SGCZ: variants seen among roughly 807,000 people sequenced by gnomAD.
SGCZ encodes sarcoglycan zeta, also known as zeta-sarcoglycan.
Under a neutral mutation model 41.3 loss-of-function variants are expected in SGCZ, and 40 were observed. The ratio of observed to expected loss-of-function variants is 0.97; its 90% CI spans 0.75 to 1.26. SGCZ has a LOEUF of 1.26. SGCZ is among the 50% of genes most tolerant of loss of function. SGCZ has a pLI of 0.00. For synonymous variants in SGCZ, 206 were observed against 137.5 expected, an observed-to-expected ratio of 1.50 and a Z score of -3.49; for missense variants, 552 against 369.8, an observed-to-expected ratio of 1.49 and a Z score of -4.04.
intron 6 of SGCZ, among the ~76,000 whole-genome samples, chr8:14,103,912 T>TA (rs745746364): frequency 4.1e-4 from 63 of 152,318 alleles, no homozygotes; most frequent in Middle Eastern, 3.4e-3. Context: ...ATTTGAATGT[T>TA]AAAATGTATT....
At chr8:14,383,002 A>G (rs1322933248) in intron 2 of SGCZ, among the ~76,000 whole-genome samples, 2 of 152,170 alleles carry the variant, frequency 1.3e-5, no homozygotes. Context: ...ATGTGGAAGC[A>G]TGCCACCACT....
intron 1 of SGCZ, among the ~76,000 whole-genome samples, chr8:15,085,197 A>T (rs987481875): frequency 6.6e-6 from 1 of 152,194 alleles, no homozygotes; most frequent in Non-Finnish European, 1.5e-5. Flanking sequence ...TTATTTAACA[A>T]CAAAATCCAA....
chr8:14,389,097 A>G (rs559100151), intron 2 of SGCZ, among the ~76,000 whole-genome samples: 1 of 152,160 alleles, frequency 6.6e-6, no homozygotes, highest in South Asian at 2.1e-4. Flanking sequence ...CATTCATAGA[A>G]GAAAACTCAG....
intron 1 of SGCZ, among the ~76,000 whole-genome samples, chr8:14,929,946 A>G (rs1221559327): frequency 6.6e-6 from 1 of 151,970 alleles, no homozygotes; most frequent in Non-Finnish European, 1.5e-5. Context: ...CAGCATTTTC[A>G]CTATTTAAAA....
At chr8:14,437,757 T>C (rs1182355200) in intron 2 of SGCZ, among the ~76,000 whole-genome samples, 1 of 151,812 alleles carries the variant, frequency 6.6e-6, no homozygotes, top group Admixed American at 6.6e-5. Context: ...TATTGTTGCC[T>C]GACTAAAAAT....
At chr8:15,146,394 G>C (rs1268000749) in intron 1 of SGCZ, among the ~76,000 whole-genome samples, 1 of 152,136 alleles carries the variant, frequency 6.6e-6, no homozygotes. Flanking sequence ...GAGAAATGGA[G>C]TCTCCATATT....
intron 1 of SGCZ, among the ~76,000 whole-genome samples, chr8:14,907,673 C>A (rs1030562248): frequency 6.6e-6 from 1 of 152,072 alleles, no homozygotes; most frequent in South Asian, 2.1e-4. Context: ...AAGACCCTGA[C>A]TCAAAAAATA....
chr8:14,757,112 G>A (rs1049991489), intron 1 of SGCZ, among the ~76,000 whole-genome samples: 1 of 152,090 alleles, frequency 6.6e-6, no homozygotes, highest in Middle Eastern at 3.4e-3. Flanking sequence ...GCAATGGCAC[G>A]ATCTCAGCCC....
At chr8:14,123,626 T>A (rs1188848510) in intron 5 of SGCZ, among the ~76,000 whole-genome samples, 2 of 152,080 alleles carry the variant, frequency 1.3e-5, no homozygotes, top group African/African-American at 4.8e-5. Flanking sequence ...CAGACTAACA[T>A]AGTAGGAAAC....
intron 1 of SGCZ, among the ~76,000 whole-genome samples, chr8:14,629,485 C>T (rs2117392828): frequency 6.6e-6 from 1 of 152,148 alleles, no homozygotes; most frequent in South Asian, 2.1e-4. Flanking sequence ...TTTATACAGT[C>T]AGTAGTGGTC....
chr8:14,976,003 T>TATATATATATACACATATATATATAC (rs762033555), intron 1 of SGCZ, among the ~76,000 whole-genome samples: 1 of 108,036 alleles, frequency 9.3e-6, no homozygotes, highest in Non-Finnish European at 2.2e-5. Flanking sequence ...TATATATACA[T>TATATATATATACACATATATATATAC]ATATATATAT....
rs139532931 is a variant in SGCZ, at chr8:14,243,690, A to G, written c.337-6011T>C. Among the ~76,000 whole-genome samples the G allele has an allele frequency of 4.3e-3, 662 of 152,242 alleles. 6 individuals carry two copies. The highest frequency in any genetic ancestry group is 0.019 in the South Asian group (94 of 4,826). On this transcript the variant is annotated intron_variant, in intron 3 of 7. Coordinates refer to ENST00000382080, the MANE Select transcript of SGCZ (RefSeq NM_139167.4). ...TATTTATTTTCACCTTCAGTTTCCC[A>G]GGCCTGAAATTCTTATCCATGTCTC... is the stretch of plus-strand genomic sequence containing the variant.
At chr8:14,815,778 A>G (rs1314098186) in intron 1 of SGCZ, among the ~76,000 whole-genome samples, 3 of 152,234 alleles carry the variant, frequency 2.0e-5, no homozygotes, top group Non-Finnish European at 4.4e-5. Flanking sequence ...ACTATCTGAT[A>G]ATATGTGATG....
chr8:14,762,239 G>C (rs1375560893), intron 1 of SGCZ, among the ~76,000 whole-genome samples: 2 of 152,084 alleles, frequency 1.3e-5, no homozygotes, highest in African/African-American at 4.8e-5. Context: ...ATGGGATATG[G>C]AGTCATGAAT....
intron 1 of SGCZ, among the ~76,000 whole-genome samples, chr8:14,597,201 T>C (rs372216350): frequency 2.6e-5 from 4 of 152,326 alleles, no homozygotes; most frequent in African/African-American, 4.8e-5. Context: ...CCTGGCTTTA[T>C]TGAAGCAGCT....
chr8:14,741,880 C>A (rs532620098), intron 1 of SGCZ, among the ~76,000 whole-genome samples: 1 of 142,554 alleles, frequency 7.0e-6, no homozygotes, highest in East Asian at 2.1e-4. Flanking sequence ...TTTAATAACT[C>A]AATTTAATCA....
At chr8:14,437,735 T>C in intron 2 of SGCZ, among the ~76,000 whole-genome samples, 1 of 151,850 alleles carries the variant, frequency 6.6e-6, no homozygotes, top group East Asian at 1.9e-4. Flanking sequence ...TATAATATTG[T>C]ATTAAAATTT....
intron 2 of SGCZ, among the ~76,000 whole-genome samples, chr8:14,455,901 T>C (rs2116937778): frequency 6.6e-6 from 1 of 152,254 alleles, no homozygotes; most frequent in East Asian, 1.9e-4. Flanking sequence ...AGTTTACATG[T>C]TTATGGTTCA....
chr8:15,184,429 T>A (rs1394313100), intron 1 of SGCZ, among the ~76,000 whole-genome samples: 1 of 152,164 alleles, frequency 6.6e-6, no homozygotes, highest in Non-Finnish European at 1.5e-5. Flanking sequence ...ATTTAAAAAA[T>A]GCTTCCTTCT....
Sources: allele counts gnomAD v4.1 joint callset (sites outside exome capture counted in the v4.1 genomes callset), GRCh38; gene constraint gnomAD v4.1.1; transcripts MANE v1.5; gene names NCBI Gene and HGNC (gene_info 2026-07-23, HGNC 2026-07-21).